The following ZFAND3 variants were observed in gnomAD, a reference collection of about 807,000 sequenced individuals.
The protein encoded by ZFAND3 is AN1-type zinc finger protein 3.
In ZFAND3, 10 loss-of-function variants were observed where a neutral mutation model predicts 29.6. That is an observed-to-expected ratio of 0.34 (90% confidence interval 0.21 to 0.57). The LOEUF is 0.57. ZFAND3 is among the 20% of genes least tolerant of loss of function. ZFAND3 has a pLI of 0.86. For missense variants in ZFAND3, 230 were observed against 304.5 expected (o/e 0.76, Z 1.82); for synonymous variants, 128 against 112.6 (o/e 1.14, Z -0.87).
At position 37,819,832 on chromosome 6, in the gene ZFAND3, C is replaced by T. The variant is rs1439415605; in HGVS notation, c.-114C>T. The T allele has an allele frequency of 9.9e-5, 54 of 547,248 alleles. No individual in the cohort carries two copies. The East Asian group carries it at 1.5e-3, about 15-fold the overall frequency. The allele number at this position is 547,248 out of a possible 1,614,324, so 33.9% of individuals were successfully genotyped here. A position where few individuals can be genotyped will look rare whatever the true frequency, so the allele number is the denominator to read the frequency against. ...CGCCCGCCCGCGCGCCCGCTCCTTC[C>T]CCCTCCCCCCGCCCCGAGCCCCCCG... On this transcript the variant is annotated 5_prime_UTR_variant, in exon 1 of 6. Transcript: ENST00000287218.
At chr6:38,040,237 A>G (rs1044551516) in intron 2 of ZFAND3, among the ~76,000 whole-genome samples, 1 of 152,146 alleles carries the variant, frequency 6.6e-6, no homozygotes, top group African/African-American at 2.4e-5. Context: ...ATCTTTTAAA[A>G]TTTTTAAAAA....
intron 1 of ZFAND3, among the ~76,000 whole-genome samples, chr6:37,831,119 C>T (rs1763852691): frequency 1.3e-5 from 2 of 152,162 alleles, no homozygotes; most frequent in African/African-American, 4.8e-5. Flanking sequence ...CTCTGTGTCT[C>T]TTTATCTTTA....
At chr6:37,829,186 C>T (rs560950460) in intron 1 of ZFAND3, among the ~76,000 whole-genome samples, 13 of 151,842 alleles carry the variant, frequency 8.6e-5, no homozygotes, top group Middle Eastern at 3.4e-3. Flanking sequence ...GCCTGTAAAT[C>T]GCCACTGCAC....
intron 2 of ZFAND3, among the ~76,000 whole-genome samples, chr6:38,010,988 C>A (rs534598641): frequency 1.3e-5 from 2 of 151,092 alleles, no homozygotes; most frequent in Non-Finnish European, 2.9e-5. Flanking sequence ...AAGTGATCCT[C>A]GCACCTCAGC....
chr6:37,972,694 TTAA>T (rs1762410221), intron 2 of ZFAND3, among the ~76,000 whole-genome samples: 2 of 148,410 alleles, frequency 1.3e-5, no homozygotes, highest in East Asian at 4.2e-4. Flanking sequence ...TTCAGGCCTA[TTAA>T]TTTTTTTTTT....
At chr6:38,000,227 T>C (rs1408750615) in intron 2 of ZFAND3, among the ~76,000 whole-genome samples, 1 of 152,200 alleles carries the variant, frequency 6.6e-6, no homozygotes, top group Non-Finnish European at 1.5e-5. Context: ...TATTGATCAT[T>C]TGCGAGACCC....
intron 2 of ZFAND3, among the ~76,000 whole-genome samples, chr6:38,015,008 TATG>T (rs1232733792): frequency 1.3e-5 from 2 of 152,250 alleles, no homozygotes; most frequent in East Asian, 1.9e-4. Context: ...TTTTTACCAA[TATG>T]ATGACTAAAC....
chr6:37,943,849 A>C (rs373818519), intron 2 of ZFAND3, among the ~76,000 whole-genome samples: 1 of 152,186 alleles, frequency 6.6e-6, no homozygotes, highest in African/African-American at 2.4e-5. Flanking sequence ...GGTGAGGGTA[A>C]AGTGGCTTAT....
chr6:37,847,969 G>A (rs567593535), intron 1 of ZFAND3, among the ~76,000 whole-genome samples: 1 of 152,350 alleles, frequency 6.6e-6, no homozygotes, highest in Non-Finnish European at 1.5e-5. Context: ...GCCTAAAAGC[G>A]TAAAATACTT....
chr6:37,932,273 AT>A (rs200727673), intron 2 of ZFAND3, among the ~76,000 whole-genome samples: 2,189 of 148,730 alleles, frequency 0.015, 32 homozygotes, highest in African/African-American at 0.051. Flanking sequence ...AAAAAAAAAA[AT>A]AAATAAATAA....
intron 4 of ZFAND3, among the ~76,000 whole-genome samples, chr6:38,109,953 C>T (rs1765282465): frequency 6.6e-6 from 1 of 152,136 alleles, no homozygotes; most frequent in African/African-American, 2.4e-5. Flanking sequence ...CAGGTGCACT[C>T]CCAAGATGGT....
chr6:38,144,206 TATATA>T (rs1246042358), intron 5 of ZFAND3, among the ~76,000 whole-genome samples: 30 of 44,246 alleles, frequency 6.8e-4, no homozygotes, highest in Middle Eastern at 0.016. Flanking sequence ...TATATATATA[TATATA>T]ATATATAATA....
intron 3 of ZFAND3, among the ~76,000 whole-genome samples, chr6:38,065,575 A>C (rs186740475): frequency 1.3e-5 from 2 of 152,334 alleles, no homozygotes; most frequent in African/African-American, 4.8e-5. Flanking sequence ...AATATAGCCT[A>C]TTAGGGTAGG....
At chr6:38,018,969 A>G (rs1248238676) in intron 2 of ZFAND3, among the ~76,000 whole-genome samples, 4 of 151,686 alleles carry the variant, frequency 2.6e-5, no homozygotes, top group Non-Finnish European at 5.9e-5. Flanking sequence ...AATCTGATAG[A>G]CTTTTTTTTT....
At chr6:38,138,305 A>G (rs1765882295) in intron 5 of ZFAND3, among the ~76,000 whole-genome samples, 1 of 152,222 alleles carries the variant, frequency 6.6e-6, no homozygotes, top group South Asian at 2.1e-4. Flanking sequence ...TGGGAGACTT[A>G]CTTTCTGCTA....
intron 2 of ZFAND3, among the ~76,000 whole-genome samples, chr6:37,946,149 T>A (rs1019599761): frequency 1.3e-5 from 2 of 152,186 alleles, no homozygotes; most frequent in African/African-American, 4.8e-5. Context: ...ATGGGGAATG[T>A]AAAAGCATAC....
At chr6:38,123,044 A>G (rs1451818654) in intron 5 of ZFAND3, among the ~76,000 whole-genome samples, 2 of 152,240 alleles carry the variant, frequency 1.3e-5, no homozygotes, top group African/African-American at 4.8e-5. Context: ...GTTTATAGTG[A>G]GAAGCCATCA....
intron 2 of ZFAND3, among the ~76,000 whole-genome samples, chr6:37,997,745 C>G (rs1205589541): frequency 6.6e-6 from 1 of 152,228 alleles, no homozygotes; most frequent in African/African-American, 2.4e-5. Flanking sequence ...CAGTGCCTGA[C>G]ACATAGTAGG....
At chr6:38,054,316 C>T (rs1050159031) in intron 2 of ZFAND3, among the ~76,000 whole-genome samples, 3 of 150,240 alleles carry the variant, frequency 2.0e-5, no homozygotes, top group African/African-American at 7.3e-5. Context: ...GTCACTTGGG[C>T]CCAGGAAGTC....
Sources: gnomAD v4.1 joint callset for allele counts (sites outside exome capture counted in the v4.1 genomes callset) on GRCh38, gnomAD v4.1.1 for gene constraint, MANE v1.5 for transcripts, NCBI Gene and HGNC (gene_info 2026-07-23, HGNC 2026-07-21) for gene names.